Variants in OR2L3 observed in about 807,000 individuals in gnomAD.
The protein encoded by OR2L3 is olfactory receptor 2L3.
For missense variants in OR2L3, 369 were observed against 376.6 expected (o/e 0.98, Z 0.17); for synonymous variants, 131 against 139.1 (o/e 0.94, Z 0.41).
At chr1:248,059,203 A>G (rs528297629) in intron 1 of OR2L3, among the ~76,000 whole-genome samples, 1 of 152,282 alleles carries the variant, frequency 6.6e-6, no homozygotes, top group South Asian at 2.1e-4. Flanking sequence ...TGGTTATAGT[A>G]GCTCAAAATT....
At position 248,061,660 on chromosome 1, in the gene OR2L3, T is replaced by C. The variant is rs759486920; in HGVS notation, c.*40T>C. Reference sequence around the variant, plus strand: ...TAAGGTCTCAGGACTCAGATACACATCCATCCAGCAGTGTATAGTAATTAA... The same window carrying C: ...TAAGGTCTCAGGACTCAGATACACACCCATCCAGCAGTGTATAGTAATTAA... On this transcript the variant is annotated 3_prime_UTR_variant, in exon 2 of 2. Transcript: ENST00000359959. 8.5e-6 allele frequency: 13 copies of C among 1,523,432 alleles called. No individual in the cohort carries two copies. The highest frequency in any genetic ancestry group is 9.9e-6 in the Non-Finnish European group (11 of 1,112,476). 94.4% of individuals were successfully genotyped at this position (1,523,432 alleles called of 1,614,324 possible). A position where few individuals can be genotyped will look rare whatever the true frequency, so the allele number is the denominator to read the frequency against.
chr1:248,051,778 T>TTTATTTAC lies in OR2L3; in HGVS notation c.-22+4905_-22+4906insCTTATTTA, dbSNP rs1278623566. ...CAAGTGTCTGCTTTTATTTTATTTA[T>TTTATTTAC]TTATTTATTATTTTATTTATTTCAT... On this transcript the variant is annotated intron_variant, in intron 1 of 1. Coordinates refer to ENST00000359959, the MANE Select transcript of OR2L3 (RefSeq NM_001004687.2). Among the ~76,000 whole-genome samples, 73 of 152,072 alleles carry TTTATTTAC rather than the reference T, an allele frequency of 4.8e-4. 1 individual carries two copies. The highest frequency in any genetic ancestry group is 1.6e-3 in the African/African-American group (68 of 41,432).
chr1:248,050,056 C>T (rs1002333618), intron 1 of OR2L3, among the ~76,000 whole-genome samples: 3 of 152,052 alleles, frequency 2.0e-5, no homozygotes, highest in African/African-American at 4.8e-5. Flanking sequence ...AATCACGGAA[C>T]GAATCCTGTG....
chr1:248,053,117 C>T (rs1663324780), intron 1 of OR2L3, among the ~76,000 whole-genome samples: 1 of 152,084 alleles, frequency 6.6e-6, no homozygotes, highest in South Asian at 2.1e-4. Context: ...ACCGCCCTCC[C>T]ACAACAGGCC....
intron 1 of OR2L3, among the ~76,000 whole-genome samples, chr1:248,052,295 T>A (rs1029687897): frequency 2.9e-4 from 44 of 152,296 alleles, no homozygotes; most frequent in Non-Finnish European, 4.9e-4. Context: ...CTCCACTGAG[T>A]GGACTTAGTT....
chr1:248,055,529 G>A (rs1663406256), intron 1 of OR2L3, among the ~76,000 whole-genome samples: 1 of 152,332 alleles, frequency 6.6e-6, no homozygotes, highest in African/African-American at 2.4e-5. Context: ...GCCAAGGCAG[G>A]TGGATCAACA....
chr1:248,047,368 T>A (rs78951761), intron 1 of OR2L3, among the ~76,000 whole-genome samples: 8,159 of 152,206 alleles, frequency 0.054, 286 homozygotes, highest in East Asian at 0.16. Flanking sequence ...TCTAATGAAA[T>A]GCCTGGAAAG....
chr1:248,047,985 A>G (rs959224032), intron 1 of OR2L3, among the ~76,000 whole-genome samples: 1 of 152,250 alleles, frequency 6.6e-6, no homozygotes, highest in East Asian at 1.9e-4. Context: ...TTACATTTTT[A>G]GTAATTGTAA....
rs148431119 is a variant in OR2L3, at chr1:248,047,742, G to A, written c.-22+862G>A. Among the ~76,000 whole-genome samples, 389 of 152,254 alleles carry A rather than the reference G, an allele frequency of 2.6e-3. 2 individuals are homozygous for A. Among genetic ancestry groups the A allele is most frequent in the Non-Finnish European group, 4.0e-3 (271 of 68,026 alleles). ...CATAGTATGTGGAAACAATGTGAAG[G>A]CTATATTACTCTACAGTCATAGCGG... is the stretch of plus-strand genomic sequence containing the variant. On this transcript the variant is annotated intron_variant, in intron 1 of 1. Coordinates refer to ENST00000359959, the MANE Select transcript of OR2L3 (RefSeq NM_001004687.2).
At chr1:248,047,674 G>A (rs1169452122) in intron 1 of OR2L3, among the ~76,000 whole-genome samples, 2 of 152,128 alleles carry the variant, frequency 1.3e-5, no homozygotes, top group Non-Finnish European at 2.9e-5. Context: ...TATAGAAATA[G>A]CTGCCTTAAC....
At chr1:248,059,336 C>A (rs1290793759) in intron 1 of OR2L3, among the ~76,000 whole-genome samples, 1 of 152,056 alleles carries the variant, frequency 6.6e-6, no homozygotes, top group East Asian at 1.9e-4. Flanking sequence ...GCACCTCTAC[C>A]CGGAAGTTTG....
At chr1:248,048,999 C>T (rs1474579139) in intron 1 of OR2L3, among the ~76,000 whole-genome samples, 2 of 151,320 alleles carry the variant, frequency 1.3e-5, no homozygotes, top group Non-Finnish European at 2.9e-5. Context: ...GGAGACCAGC[C>T]TTATATTGTG....
Position 248,048,913 on chromosome 1 carries a change from T to TTC in OR2L3, c.-22+2043_-22+2044dup, listed in dbSNP as rs1175739476. ...TGCCTCCCCAGCTTTTTCTTTCCTT[T>TTC]TCTCTCTCTCTTTTTTTTTTTTTTG... On this transcript the variant is annotated intron_variant, in intron 1 of 1. Transcript: ENST00000359959. 1.2e-3 allele frequency among the ~76,000 whole-genome samples: 162 copies of TTC among 138,484 alleles called. 2 individuals are homozygous for TTC. Among genetic ancestry groups the TTC allele is most frequent in the African/African-American group, 4.5e-3 (138 of 30,674 alleles). The allele number at this position is 138,484 out of a possible 152,430, so 90.9% of individuals were successfully genotyped here.
intron 1 of OR2L3, among the ~76,000 whole-genome samples, chr1:248,049,034 A>G (rs1265448398): frequency 6.6e-6 from 1 of 151,586 alleles, no homozygotes; most frequent in African/African-American, 2.4e-5. Flanking sequence ...TTTCTTTGAG[A>G]ATAGCTTTGA....
At position 248,061,164 on chromosome 1, in the gene OR2L3, T is replaced by G. The variant is rs141932075; in HGVS notation, c.483T>G (p.Tyr161Ter). The change falls in exon 2 of 2, where the codon TAT (tyrosine) becomes TAG (stop). Residue 161 changes from tyrosine (Y) to a stop codon, truncating the protein, a stop_gained. Coordinates refer to ENST00000359959, the MANE Select transcript of OR2L3 (RefSeq NM_001004687.2). LOFTEE classifies it low-confidence loss of function (END_TRUNC). The stretch of plus-strand genomic sequence containing the variant: ...TCAATGCTTGTGCTCACACTGTATA[T>G]GTACTCCATATTCCTTATTGCCAAT... ...GSINACAHTV[Y>*]VLHIPYCQSR... 469 of 1,613,128 alleles carry G rather than the reference T, an allele frequency of 2.9e-4. 1 individual carries two copies. The highest frequency in any genetic ancestry group is 6.3e-5 in the Non-Finnish European group (74 of 1,179,604).
chr1:248,055,350 T>C (rs1399754822), intron 1 of OR2L3, among the ~76,000 whole-genome samples: 7 of 152,200 alleles, frequency 4.6e-5, no homozygotes, highest in Non-Finnish European at 2.9e-5. Context: ...CAGTATTATA[T>C]TGAGTATGTT....
intron 1 of OR2L3, among the ~76,000 whole-genome samples, chr1:248,052,845 GC>G (rs1318453240): frequency 1.3e-5 from 2 of 151,540 alleles, no homozygotes; most frequent in Non-Finnish European, 2.9e-5. Flanking sequence ...TTTAGAATGG[GC>G]TTTTCTGTTT....
chr1:248,061,115 C>T lies in OR2L3; in HGVS notation c.434C>T (p.Thr145Ile). 1 of 1,613,884 alleles carries T rather than the reference C, an allele frequency of 6.2e-7. No individual in the cohort carries two copies. Among genetic ancestry groups the T allele is most frequent in the Non-Finnish European group, 8.5e-7 (1 of 1,179,964 alleles). The stretch of plus-strand genomic sequence containing the variant: ...AAAAGAATGTGTGTGCTGATGATAA[C>T]AGGGTCTTGGATCATAGGCTCGATC... ...MSKRMCVLMI[T>I]GSWIIGSINA... is the part of the protein sequence containing the mutation. The change falls in exon 2 of 2, where the codon ACA becomes ATA. Residue 145 changes from threonine (T) to isoleucine (I), a missense_variant. By Grantham distance (89) the Thr-to-Ile change is moderately conservative (BLOSUM62 -1). Coordinates refer to ENST00000359959, the MANE Select transcript of OR2L3 (RefSeq NM_001004687.2).
At position 248,051,690 on chromosome 1, in the gene OR2L3, C is replaced by T. The variant is rs1200056304; in HGVS notation, c.-22+4810C>T. 4.6e-5 allele frequency among the ~76,000 whole-genome samples: 7 copies of T among 152,204 alleles called. No individual in the cohort carries two copies. In the South Asian group the frequency reaches 8.3e-4, roughly 18 times the overall value. On this transcript the variant is annotated intron_variant, in intron 1 of 1. Coordinates refer to ENST00000359959, the MANE Select transcript of OR2L3 (RefSeq NM_001004687.2). Reference sequence around the variant, plus strand: ...AAGCCCAAACCTCAGCATCATGCAACATATCCATGTAACAAACCACGATTG... The same window carrying T: ...AAGCCCAAACCTCAGCATCATGCAATATATCCATGTAACAAACCACGATTG...
Sources: allele counts gnomAD v4.1 joint callset (sites outside exome capture counted in the v4.1 genomes callset), GRCh38; gene constraint gnomAD v4.1.1; transcripts MANE v1.5; gene names NCBI Gene and HGNC (gene_info 2026-07-23, HGNC 2026-07-21).